PRKCA: variants seen among roughly 807,000 people sequenced by gnomAD.
The protein encoded by PRKCA is protein kinase C alpha.
A neutral mutation model predicts 87.0 loss-of-function variants in PRKCA; 27 were observed. The ratio of observed to expected loss-of-function variants is 0.31; its 90% CI spans 0.23 to 0.43. The LOEUF (loss-of-function observed/expected upper bound fraction) is 0.43. Ranked by LOEUF, PRKCA falls within the 20% of genes least tolerant of loss-of-function variation. The pLI is 1.00. For synonymous variants in PRKCA, 329 were observed against 311.1 expected, an observed-to-expected ratio of 1.06 and a Z score of -0.61; for missense variants, 518 against 852.3, an observed-to-expected ratio of 0.61 and a Z score of 4.88.
intron 4 of PRKCA, among the ~76,000 whole-genome samples, chr17:66,644,252 G>A (rs879882505): frequency 1.3e-5 from 2 of 152,252 alleles, no homozygotes; most frequent in Admixed American, 6.5e-5. Flanking sequence ...GTGTTTAATC[G>A]GAGCAGTATA....
intron 13 of PRKCA, among the ~76,000 whole-genome samples, chr17:66,756,973 A>T (rs1018432310): frequency 6.6e-6 from 1 of 152,152 alleles, no homozygotes. Context: ...ATAACCAGGA[A>T]TTTTTTTAAA....
intron 3 of PRKCA, among the ~76,000 whole-genome samples, chr17:66,575,292 A>G (rs577400144): frequency 6.6e-6 from 1 of 152,342 alleles, no homozygotes; most frequent in Admixed American, 6.5e-5. Flanking sequence ...AAAACTTACA[A>G]ATTGGGCCAG....
At chr17:66,371,906 A>G (rs894530961) in intron 2 of PRKCA, among the ~76,000 whole-genome samples, 3 of 152,258 alleles carry the variant, frequency 2.0e-5, no homozygotes, top group African/African-American at 7.2e-5. Context: ...TAGGCGTCTC[A>G]TATTTTTTGT....
chr17:66,426,195 C>T (rs922372607), intron 2 of PRKCA, among the ~76,000 whole-genome samples: 4 of 152,124 alleles, frequency 2.6e-5, no homozygotes, highest in Middle Eastern at 3.4e-3. Context: ...CCAGGATATT[C>T]GGGGAACGAT....
rs137865323 is a variant in PRKCA at position 66,590,746 on chromosome 17, A to T, written c.289-50609A>T. Among the ~76,000 whole-genome samples, 32 of 152,240 alleles carry T rather than the reference A, an allele frequency of 2.1e-4. No individual in the cohort carries two copies. In the East Asian group the frequency reaches 4.6e-3, roughly 22 times the overall value. On this transcript the variant is annotated intron_variant, in intron 3 of 16. Transcript: ENST00000413366. ...GTGCCTATAATCCCAGCTACGTGGG[A>T]GGCTGAGGCAGGAGAATCACTTGAA...
intron 2 of PRKCA, among the ~76,000 whole-genome samples, chr17:66,379,635 C>T (rs1723237093): frequency 6.6e-6 from 1 of 152,106 alleles, no homozygotes; most frequent in Admixed American, 6.5e-5. Context: ...CACTTTTTGC[C>T]TGTTCGGTTT....
chr17:66,339,243 A>C (rs1460550771), intron 2 of PRKCA, among the ~76,000 whole-genome samples: 1 of 152,172 alleles, frequency 6.6e-6, no homozygotes, highest in Non-Finnish European at 1.5e-5. Context: ...TTTCCAGTCT[A>C]TTCTTCCTAT....
chr17:66,693,766 A>G (rs1265130213), intron 8 of PRKCA, among the ~76,000 whole-genome samples: 6 of 152,216 alleles, frequency 3.9e-5, no homozygotes, highest in Non-Finnish European at 8.8e-5. Flanking sequence ...CTGGTATAAC[A>G]TTCAAGTCTG....
intron 3 of PRKCA, among the ~76,000 whole-genome samples, chr17:66,520,703 C>T (rs1009682118): frequency 6.6e-6 from 1 of 152,224 alleles, no homozygotes; most frequent in East Asian, 1.9e-4. Flanking sequence ...ATTATACTTT[C>T]TCCTTGGGCT....
chr17:66,511,068 T>TG (rs1555612572), intron 3 of PRKCA, among the ~76,000 whole-genome samples: 25 of 151,800 alleles, frequency 1.6e-4, no homozygotes, highest in African/African-American at 5.6e-4. Context: ...GCATTTTTTT[T>TG]CGTGTCATAA....
At chr17:66,414,521 A>G (rs796581183) in intron 2 of PRKCA, among the ~76,000 whole-genome samples, 3 of 152,332 alleles carry the variant, frequency 2.0e-5, no homozygotes, top group South Asian at 4.1e-4. Context: ...CCTTATAGCA[A>G]TGAGAGAACA....
chr17:66,564,697 G>A (rs1048619094), intron 3 of PRKCA, among the ~76,000 whole-genome samples: 2 of 152,090 alleles, frequency 1.3e-5, no homozygotes, highest in African/African-American at 4.8e-5. Flanking sequence ...AAAGACCAGT[G>A]CCAGCCGGGT....
chr17:66,504,687 G>T (rs1450447453), intron 3 of PRKCA, among the ~76,000 whole-genome samples: 1 of 152,190 alleles, frequency 6.6e-6, no homozygotes, highest in Admixed American at 6.5e-5. Context: ...GAGCCAGCCT[G>T]CATCTAATGG....
At chr17:66,753,808 G>A (rs1974488130) in intron 13 of PRKCA, among the ~76,000 whole-genome samples, 1 of 152,164 alleles carries the variant, frequency 6.6e-6, no homozygotes, top group Non-Finnish European at 1.5e-5. Flanking sequence ...GACACAGCGA[G>A]AAGGAGGCAG....
intron 8 of PRKCA, among the ~76,000 whole-genome samples, chr17:66,723,913 G>A (rs1357272675): frequency 6.6e-6 from 1 of 152,168 alleles, no homozygotes; most frequent in Non-Finnish European, 1.5e-5. Context: ...GCTCTTTCCA[G>A]AGTTGCCCAC....
At chr17:66,344,098 G>A (rs59819585) in intron 2 of PRKCA, among the ~76,000 whole-genome samples, 39,349 of 152,032 alleles carry the variant, frequency 0.26, 5,676 homozygotes, top group East Asian at 0.4. Flanking sequence ...AGTATGTTCA[G>A]TCACAGTGAC....
chr17:66,425,851 G>A (rs951295509), intron 2 of PRKCA, among the ~76,000 whole-genome samples: 1 of 152,116 alleles, frequency 6.6e-6, no homozygotes, highest in Non-Finnish European at 1.5e-5. Flanking sequence ...ATTCTTAGAG[G>A]TGGTGCCGGT....
chr17:66,527,076 G>C (rs1275785236), intron 3 of PRKCA, among the ~76,000 whole-genome samples: 6 of 152,156 alleles, frequency 3.9e-5, no homozygotes, highest in Admixed American at 2.0e-4. Context: ...ACTTGAGGCA[G>C]AGACTGAGTG....
intron 13 of PRKCA, among the ~76,000 whole-genome samples, chr17:66,756,352 G>C (rs1003029711): frequency 2.0e-5 from 3 of 152,098 alleles, no homozygotes; most frequent in Non-Finnish European, 2.9e-5. Flanking sequence ...CAAGAGGAGA[G>C]GGGGGAGACC....
Sources: gnomAD v4.1 joint callset for allele counts (sites outside exome capture counted in the v4.1 genomes callset) on GRCh38, gnomAD v4.1.1 for gene constraint, MANE v1.5 for transcripts, NCBI Gene and HGNC (gene_info 2026-07-23, HGNC 2026-07-21) for gene names.